ARFGEF2: variants seen among roughly 807,000 people sequenced by gnomAD.
The protein encoded by ARFGEF2 is brefeldin A-inhibited guanine nucleotide-exchange protein 2.
A neutral mutation model predicts 219.9 loss-of-function variants in ARFGEF2; 74 were observed. That is an observed-to-expected ratio of 0.34 (90% CI 0.28 to 0.41). The LOEUF (loss-of-function observed/expected upper bound fraction) is 0.41. Among genes scored for constraint, ARFGEF2 ranks in the 10% least tolerant of loss-of-function variants. The probability of loss-of-function intolerance (pLI) is 1.00; values close to 1 mark genes in which losing one functional copy is unlikely to be tolerated. For missense variants in ARFGEF2, 1,743 were observed against 2,218.3 expected (o/e 0.79, Z 4.30); for synonymous variants, 733 against 799.2 (o/e 0.92, Z 1.40).
At chr20:48,940,651 A>G (rs1269596267) in intron 1 of ARFGEF2, among the ~76,000 whole-genome samples, 3 of 152,210 alleles carry the variant, frequency 2.0e-5, no homozygotes, top group African/African-American at 4.8e-5. Flanking sequence ...CTTGATGTGC[A>G]ACAGTAGCCA....
intron 14 of ARFGEF2, 67 bp downstream of exon 14, chr20:48,976,266 C>A: frequency 6.3e-7 from 1 of 1,578,718 alleles, no homozygotes; most frequent in South Asian, 1.1e-5. Flanking sequence ...GAACCTGGAA[C>A]TGATTCCTAA....
chr20:48,990,929 C>A, intron 20 of ARFGEF2, 111 bp from the exon 21 acceptor site: 1 of 1,201,640 alleles, frequency 8.3e-7, no homozygotes, highest in Non-Finnish European at 1.2e-6. Context: ...GAAAGCCAGT[C>A]AATGTGCATA....
chr20:48,926,371 G>T (rs2090876780), intron 1 of ARFGEF2, among the ~76,000 whole-genome samples: 1 of 152,066 alleles, frequency 6.6e-6, no homozygotes, highest in Admixed American at 6.6e-5. Context: ...TATATACTAG[G>T]TTTACTTTAA....
chr20:48,943,366 T>A (rs533581853), intron 3 of ARFGEF2, among the ~76,000 whole-genome samples: 2 of 152,356 alleles, frequency 1.3e-5, no homozygotes, highest in Admixed American at 1.3e-4. Context: ...TGACTGTATT[T>A]AGAGTCACAA....
chr20:48,964,513 G>C (rs558710324), intron 7 of ARFGEF2, among the ~76,000 whole-genome samples: 1 of 152,252 alleles, frequency 6.6e-6, no homozygotes, highest in African/African-American at 2.4e-5. Context: ...GTTTTTCTAG[G>C]AGTGGGCTGG....
chr20:48,926,932 A>G (rs981149921), intron 1 of ARFGEF2, among the ~76,000 whole-genome samples: 1 of 152,178 alleles, frequency 6.6e-6, no homozygotes, highest in Non-Finnish European at 1.5e-5. Context: ...CCTCTGTTTA[A>G]TATACGAGAT....
At chr20:48,988,743 A>G in intron 18 of ARFGEF2, 81 bp downstream of exon 18, 1 of 1,285,126 alleles carries the variant, frequency 7.8e-7, no homozygotes, top group South Asian at 1.2e-5. Context: ...TCTGGTGATA[A>G]ATTTAATGTG....
chr20:48,931,977 G>C (rs962972390), intron 1 of ARFGEF2, among the ~76,000 whole-genome samples: 7 of 152,230 alleles, frequency 4.6e-5, no homozygotes, highest in Non-Finnish European at 7.3e-5. Context: ...GAGGATAATT[G>C]CTGAAGCATG....
chr20:48,924,693 G>C (rs1366220637), intron 1 of ARFGEF2, among the ~76,000 whole-genome samples: 2 of 152,130 alleles, frequency 1.3e-5, no homozygotes, highest in African/African-American at 4.8e-5. Context: ...TCTGTGATAT[G>C]ATTCCACCAG....
At chr20:48,941,288 G>A (rs2090991706) in intron 2 of ARFGEF2, 59 bp downstream of exon 2, 3 of 1,552,832 alleles carry the variant, frequency 1.9e-6, no homozygotes, top group African/African-American at 2.7e-5. Flanking sequence ...GGTAGCAACT[G>A]GGGGAGCCTC....
At chr20:48,982,965 G>A (rs1306421969) in intron 14 of ARFGEF2, among the ~76,000 whole-genome samples, 1 of 152,176 alleles carries the variant, frequency 6.6e-6, no homozygotes, top group African/African-American at 2.4e-5. Flanking sequence ...GTAAAGCGAT[G>A]CCCCGCCCTG....
chr20:49,006,290 G>A (rs570669225), intron 26 of ARFGEF2, among the ~76,000 whole-genome samples: 6 of 152,130 alleles, frequency 3.9e-5, no homozygotes, highest in East Asian at 3.9e-4. Context: ...GCGAAATGCT[G>A]TCTCAAAAAA....
At chr20:48,979,717 T>A (rs1195034784) in intron 14 of ARFGEF2, among the ~76,000 whole-genome samples, 1 of 152,232 alleles carries the variant, frequency 6.6e-6, no homozygotes, top group African/African-American at 2.4e-5. Flanking sequence ...GGTGTATGTG[T>A]CGAGGAATTT....
At chr20:48,965,733 C>T in intron 7 of ARFGEF2, 139 bp from the exon 8 acceptor site, 2 of 984,594 alleles carry the variant, frequency 2.0e-6, no homozygotes, top group Admixed American at 1.9e-5. Context: ...AGGATTATGT[C>T]AGTCATGGGC....
At chr20:48,944,507 T>C (rs2091013927) in intron 3 of ARFGEF2, among the ~76,000 whole-genome samples, 1 of 152,192 alleles carries the variant, frequency 6.6e-6, no homozygotes, top group Non-Finnish European at 1.5e-5. Flanking sequence ...TAGGCTGCAG[T>C]GCAGTGGCGC....
rs1355687781 is a variant in ARFGEF2, at chr20:49,012,049, C to T, written c.3883C>T (p.Arg1295Cys). ...DTSMEAIRLI[R>C]FCGKYVSERP... ...GAGCATGGAAGCGATTCGGCTCATCCGCTTCTGTGGCAAATACGTCTCTGA... is the reference window on the plus strand; with the variant it reads ...GAGCATGGAAGCGATTCGGCTCATCTGCTTCTGTGGCAAATACGTCTCTGA... The change falls in exon 28 of 39, where the codon CGC (arginine) becomes TGC (cysteine). Residue 1295 changes from arginine (R) to cysteine (C), a missense_variant. Around this residue, in one of 5 missense-constraint regions of ARFGEF2, gnomAD observed 578 missense variants for 664.0 expected, o/e 0.87. Transcript: ENST00000371917. 85 of 1,614,036 alleles carry T rather than the reference C, an allele frequency of 5.3e-5. No homozygotes were observed. The highest frequency in any genetic ancestry group is 6.6e-5 in the Non-Finnish European group (78 of 1,179,980).
chr20:49,019,403 AC>A (rs1384535179), intron 34 of ARFGEF2, among the ~76,000 whole-genome samples: 3 of 152,212 alleles, frequency 2.0e-5, no homozygotes, highest in African/African-American at 7.2e-5. Flanking sequence ...CAAAATCAGT[AC>A]ATAAGGAGCT....
chr20:48,965,666 G>A (rs1238520736), intron 7 of ARFGEF2, among the ~76,000 whole-genome samples: 2 of 152,192 alleles, frequency 1.3e-5, no homozygotes, highest in Admixed American at 6.5e-5. Context: ...CTGGCAGTGG[G>A]GCTGTGGATA....
intron 37 of ARFGEF2, among the ~76,000 whole-genome samples, chr20:49,030,570 A>G (rs1391516429): frequency 6.6e-6 from 1 of 152,126 alleles, no homozygotes; most frequent in Non-Finnish European, 1.5e-5. Context: ...TTTTTTACAT[A>G]TATCAGTTAC....
Sources: allele counts gnomAD v4.1 joint callset (sites outside exome capture counted in the v4.1 genomes callset), GRCh38; gene constraint gnomAD v4.1.1; regional missense constraint gnomAD v4.1.1; transcripts MANE v1.5; gene names NCBI Gene and HGNC (gene_info 2026-07-23, HGNC 2026-07-21).